The following TBCD variants were observed in gnomAD, a reference collection of about 807,000 sequenced individuals.
TBCD encodes tubulin folding cofactor D.
Under a neutral mutation model 169.3 loss-of-function variants are expected in TBCD, and 105 were observed. The ratio of observed to expected loss-of-function variants is 0.62; its 90% CI spans 0.53 to 0.73. TBCD has a LOEUF of 0.73. Ranked by LOEUF, TBCD falls within the 30% of genes least tolerant of loss-of-function variation. The pLI is 0.00. For missense variants in TBCD, 1,444 were observed against 1,600.1 expected, an observed-to-expected ratio of 0.90 and a Z score of 1.66; for synonymous variants, 700 against 643.9, an observed-to-expected ratio of 1.09 and a Z score of -1.32.
At chr17:82,825,629 G>T (rs957548378) in intron 13 of TBCD, among the ~76,000 whole-genome samples, 2 of 152,092 alleles carry the variant, frequency 1.3e-5, no homozygotes, top group East Asian at 1.9e-4. Flanking sequence ...AGTGTCCTCA[G>T]ATACCCCTTG....
chr17:82,907,871 C>T (rs941879536), intron 21 of TBCD, 50 bp downstream of exon 21: 1 of 1,584,564 alleles, frequency 6.3e-7, no homozygotes, highest in Non-Finnish European at 8.6e-7. Context: ...ACAGGACCTG[C>T]CCCCTTAGGG....
rs1033275542 is a variant in TBCD, at chr17:82,829,994, T to G, written c.1318+15060T>G. 3.0e-5 allele frequency: 32 copies of G among 1,069,664 alleles called. No homozygotes were observed. In the African/African-American group the frequency reaches 3.6e-4, roughly 12 times the overall value. The allele number at this position is 1,069,664 out of a possible 1,614,324, so 66.3% of individuals were successfully genotyped here. ...ATTTATAAAAACTGAATTGGAGGGT[T>G]TTTTGTTTGTTTGTTTGTTTGTTTT... On this transcript the variant is annotated intron_variant, in intron 13 of 38. Coordinates refer to ENST00000355528, the MANE Select transcript of TBCD (RefSeq NM_005993.5).
chr17:82,872,504 C>T (rs938309503), intron 14 of TBCD, among the ~76,000 whole-genome samples: 1 of 152,210 alleles, frequency 6.6e-6, no homozygotes, highest in African/African-American at 2.4e-5. Flanking sequence ...TGCCGCGTGC[C>T]TGTGCCAGCC....
chr17:82,788,910 C>T lies in TBCD; in HGVS notation c.771+7189C>T, dbSNP rs991151649. Among the ~76,000 whole-genome samples the T allele has an allele frequency of 3.3e-5, 5 of 152,316 alleles. No individual in the cohort carries two copies. In the East Asian group the frequency reaches 7.7e-4, roughly 24 times the overall value. On this transcript the variant is annotated intron_variant, in intron 7 of 38. Transcript: ENST00000355528. ...TGTGAGGCTAATTAGCACAGTCAGT[C>T]TTTGAAGATGAAAGAAGACAGCTGA...
At chr17:82,765,495 C>A (rs1255800848) in intron 3 of TBCD, among the ~76,000 whole-genome samples, 2 of 152,156 alleles carry the variant, frequency 1.3e-5, no homozygotes, top group Non-Finnish European at 2.9e-5. Flanking sequence ...TATGGAAGTA[C>A]TCACAGCCGT....
intron 13 of TBCD, among the ~76,000 whole-genome samples, chr17:82,853,147 A>G (rs1472926429): frequency 6.6e-6 from 1 of 151,790 alleles, no homozygotes; most frequent in Non-Finnish European, 1.5e-5. Flanking sequence ...TGGTGTGATC[A>G]TAGCTCACTG....
At chr17:82,863,997 G>A (rs990317124) in intron 13 of TBCD, among the ~76,000 whole-genome samples, 2 of 152,222 alleles carry the variant, frequency 1.3e-5, no homozygotes, top group Non-Finnish European at 2.9e-5. Flanking sequence ...AGGACTAAAT[G>A]CAAAATCATC....
chr17:82,843,392 C>T (rs557758450), intron 13 of TBCD, among the ~76,000 whole-genome samples: 282 of 133,832 alleles, frequency 2.1e-3, no homozygotes, highest in Non-Finnish European at 3.2e-3. Context: ...CATTCCCTTC[C>T]CCTCCCCGTC....
chr17:82,886,054 A>C (rs969955332), intron 15 of TBCD: 1 of 152,204 alleles, frequency 6.6e-6, no homozygotes, highest in African/African-American at 2.4e-5. Flanking sequence ...CCTCTTCAGC[A>C]CCGGCCAGGA....
chr17:82,860,344 G>C, intron 13 of TBCD: 1 of 983,146 alleles, frequency 1.0e-6, no homozygotes, highest in Non-Finnish European at 1.2e-6. Context: ...GTGGCCTTTC[G>C]CAGTGGTGGA....
At chr17:82,764,766 C>T (rs142515315) in intron 3 of TBCD, among the ~76,000 whole-genome samples, 2,501 of 149,116 alleles carry the variant, frequency 0.017, 69 homozygotes, top group African/African-American at 0.061. Context: ...TACAAGCTTG[C>T]GGGTGTCTGT....
intron 2 of TBCD, among the ~76,000 whole-genome samples, chr17:82,761,151 A>G (rs2047734228): frequency 6.6e-6 from 1 of 152,054 alleles, no homozygotes; most frequent in Non-Finnish European, 1.5e-5. Context: ...CTGAGTAGAG[A>G]CAGGGTTTCA....
chr17:82,831,552 T>A lies in TBCD; in HGVS notation c.1318+16618T>A, dbSNP rs1277748793. On this transcript the variant is annotated intron_variant, in intron 13 of 38. Coordinates refer to ENST00000355528, the MANE Select transcript of TBCD (RefSeq NM_005993.5). The surrounding 1 kb of genome is among the most constrained non-coding windows in gnomAD (Gnocchi z 4.6). ...GCTGGAAAAACCTGTAGTGATCGTA[T>A]GTGGCTGGAGATGGAGCCAGGTGCT... The A allele has an allele frequency of 1.2e-6, 2 of 1,614,118 alleles. No individual in the cohort carries two copies. Among genetic ancestry groups the A allele is most frequent in the East Asian group, 4.5e-5 (2 of 44,876 alleles).
intron 13 of TBCD, among the ~76,000 whole-genome samples, chr17:82,855,101 C>T (rs1225068395): frequency 8.5e-5 from 13 of 152,154 alleles, no homozygotes; most frequent in African/African-American, 3.1e-4. Context: ...CCCTGCTGTC[C>T]ACCTCACGGA....
chr17:82,874,184 G>C lies in TBCD; in HGVS notation c.1475+3804G>C, dbSNP rs540775606. Among the ~76,000 whole-genome samples, 17 of 152,264 alleles carry C rather than the reference G, an allele frequency of 1.1e-4. No homozygotes were observed. The highest frequency in any genetic ancestry group is 3.9e-4 in the African/African-American group (16 of 41,552). ...TGGGGTTGGGGTGAGTGTGACTTCTGTCTGGGGCATGTTGGGTGGGCGTGC... is the reference window on the plus strand; with the variant it reads ...TGGGGTTGGGGTGAGTGTGACTTCTCTCTGGGGCATGTTGGGTGGGCGTGC... On this transcript the variant is annotated intron_variant, in intron 14 of 38. Coordinates refer to ENST00000355528, the MANE Select transcript of TBCD (RefSeq NM_005993.5). This position sits in a 1 kb window ranked among gnomAD's most constrained non-coding sequence, Gnocchi z 5.0.
intron 28 of TBCD, 38 bp from the exon 29 acceptor site, chr17:82,927,148 C>T (rs762343248): frequency 2.7e-5 from 44 of 1,612,300 alleles, no homozygotes; most frequent in South Asian, 7.7e-5. Context: ...TGAGGCTCAC[C>T]GATGTTTGTT....
intron 34 of TBCD, among the ~76,000 whole-genome samples, chr17:82,933,709 G>C (rs2062401573): frequency 6.6e-6 from 1 of 152,122 alleles, no homozygotes; most frequent in Non-Finnish European, 1.5e-5. Context: ...CCCCGTCCCG[G>C]GTTCAAGCAG....
chr17:82,865,393 C>G (rs545426702), intron 13 of TBCD: 1,311 of 888,082 alleles, frequency 1.5e-3, no homozygotes, highest in Non-Finnish European at 1.7e-3. Context: ...TCCACCCCAT[C>G]GTGGGAGGGA....
Position 82,832,501 on chromosome 17 carries a change from C to T in TBCD, c.1318+17567C>T. On this transcript the variant is annotated intron_variant, in intron 13 of 38. Coordinates refer to ENST00000355528, the MANE Select transcript of TBCD (RefSeq NM_005993.5). The surrounding 1 kb of genome is among the most constrained non-coding windows in gnomAD (Gnocchi z 4.9). ...TCTGGCTGTCCAGGTGGCGTGATCA[C>T]TGTCGACGCCGCGTGCACTTCGTGG... 1 of 1,543,626 alleles carries T rather than the reference C, an allele frequency of 6.5e-7. No individual in the cohort carries two copies. The highest frequency in any genetic ancestry group is 8.9e-7 in the Non-Finnish European group (1 of 1,127,424).
Sources: gnomAD v4.1 joint callset for allele counts (sites outside exome capture counted in the v4.1 genomes callset) on GRCh38, gnomAD v4.1.1 for gene constraint, Gnocchi (gnomAD v3.1) non-coding constraint, MANE v1.5 for transcripts, NCBI Gene and HGNC (gene_info 2026-07-23, HGNC 2026-07-21) for gene names.